GSE1: variants seen among roughly 807,000 people sequenced by gnomAD.
GSE1 encodes Gse1 coiled-coil protein.
A neutral mutation model predicts 112.6 loss-of-function variants in GSE1; 32 were observed. The ratio of observed to expected loss-of-function variants is 0.28; its 90% CI spans 0.21 to 0.38. The LOEUF (loss-of-function observed/expected upper bound fraction) is 0.38, where lower values mean the gene tolerates loss of function less well. Among genes scored for constraint, GSE1 ranks in the 10% least tolerant of loss-of-function variants. The pLI, the probability that GSE1 is intolerant of heterozygous loss-of-function variation, is 1.00. For missense variants in GSE1, 2,348 were observed against 1,699.2 expected, an observed-to-expected ratio of 1.38 and a Z score of -6.71; for synonymous variants, 1,115 against 735.6, an observed-to-expected ratio of 1.52 and a Z score of -8.35.
intron 2 of GSE1, among the ~76,000 whole-genome samples, chr16:85,474,408 T>C (rs1597867301): frequency 6.6e-6 from 1 of 151,830 alleles, no homozygotes; most frequent in South Asian, 2.1e-4. Flanking sequence ...CAGCTGGAGG[T>C]GCACGGAGGG....
chr16:85,186,371 G>A (rs537860325), intron 1 of GSE1, among the ~76,000 whole-genome samples: 3 of 152,212 alleles, frequency 2.0e-5, no homozygotes, highest in Non-Finnish European at 2.9e-5. Flanking sequence ...TTACGAGGCC[G>A]AGGCAGGTGG....
At chr16:85,606,545 T>C (rs1262251272), upstream of GSE1, among the ~76,000 whole-genome samples, 1 of 152,204 alleles carries the variant, frequency 6.6e-6, no homozygotes, top group Non-Finnish European at 1.5e-5. Flanking sequence ...GGGGCCACTT[T>C]GCCACTGAGT....
chr16:85,203,873 G>A (rs1365145668), intron 1 of GSE1, among the ~76,000 whole-genome samples: 1 of 152,180 alleles, frequency 6.6e-6, no homozygotes, highest in East Asian at 1.9e-4. Context: ...GAGTAGCTGG[G>A]ACTACAGGTG....
intron 3 of GSE1, among the ~76,000 whole-genome samples, chr16:85,652,245 G>A (rs2051422965): frequency 6.6e-6 from 1 of 152,236 alleles, no homozygotes. Context: ...TGCCATTGAT[G>A]TGTGCACGAG....
chr16:85,415,981 C>T (rs1290673759), intron 2 of GSE1, among the ~76,000 whole-genome samples: 1 of 152,226 alleles, frequency 6.6e-6, no homozygotes, highest in Non-Finnish European at 1.5e-5. Flanking sequence ...ACATTAAATA[C>T]ACTTTATTTA....
At chr16:85,391,277 C>T (rs559011022) in intron 2 of GSE1, among the ~76,000 whole-genome samples, 2 of 152,352 alleles carry the variant, frequency 1.3e-5, no homozygotes, top group Non-Finnish European at 2.9e-5. Context: ...CGCACCCACC[C>T]GAAGAAGCAG....
At chr16:85,347,100 G>A (rs1374294276) in intron 1 of GSE1, among the ~76,000 whole-genome samples, 1 of 152,200 alleles carries the variant, frequency 6.6e-6, no homozygotes, top group Non-Finnish European at 1.5e-5. Flanking sequence ...GCTGCTCGGT[G>A]GTGTTGAGAG....
intron 1 of GSE1, among the ~76,000 whole-genome samples, chr16:85,177,326 C>T (rs994939700): frequency 1.3e-5 from 2 of 152,202 alleles, no homozygotes; most frequent in South Asian, 4.1e-4. Context: ...CTTTTATTGG[C>T]TGGGGAAGAC....
intron 3 of GSE1, among the ~76,000 whole-genome samples, chr16:85,651,956 G>A (rs918938691): frequency 3.3e-5 from 5 of 152,220 alleles, no homozygotes; most frequent in African/African-American, 4.8e-5. Context: ...GTCCTTCCTC[G>A]TGCTCCGTTC....
intron 1 of GSE1, among the ~76,000 whole-genome samples, chr16:85,314,042 G>A (rs73257799): frequency 0.027 from 4,124 of 151,894 alleles, 190 homozygotes; most frequent in African/African-American, 0.094. Flanking sequence ...CCATTTGTGT[G>A]TGTGTCACAG....
chr16:85,670,051 C>A (rs1040802636), intron 14 of GSE1, among the ~76,000 whole-genome samples: 1 of 152,222 alleles, frequency 6.6e-6, no homozygotes, highest in Non-Finnish European at 1.5e-5. Context: ...AATTTACAGG[C>A]GTGGTTGGCA....
intron 2 of GSE1, among the ~76,000 whole-genome samples, chr16:85,385,744 GA>G (rs2047674165): frequency 6.6e-6 from 1 of 152,218 alleles, no homozygotes; most frequent in Admixed American, 6.5e-5. Flanking sequence ...GAGCCCTTCC[GA>G]GGCCTCGGCG....
chr16:85,487,330 G>T (rs564572525), intron 2 of GSE1, among the ~76,000 whole-genome samples: 1 of 152,306 alleles, frequency 6.6e-6, no homozygotes, highest in South Asian at 2.1e-4. Flanking sequence ...GGATACAGAG[G>T]AGTGTTTTAG....
chr16:85,609,343 C>A (rs983803179), upstream of GSE1, among the ~76,000 whole-genome samples: 3 of 152,264 alleles, frequency 2.0e-5, no homozygotes, highest in Non-Finnish European at 4.4e-5. Flanking sequence ...AAATGATCCT[C>A]CTGCCTCAGT....
chr16:85,623,453 T>G (rs1056178430), intron 1 of GSE1, among the ~76,000 whole-genome samples: 4 of 152,326 alleles, frequency 2.6e-5, no homozygotes, highest in Admixed American at 2.6e-4. Flanking sequence ...TGCGGTGCCC[T>G]GGAAGTCCGC....
intron 2 of GSE1, among the ~76,000 whole-genome samples, chr16:85,436,880 G>A (rs959283405): frequency 1.3e-5 from 2 of 152,192 alleles, no homozygotes; most frequent in Admixed American, 6.5e-5. Flanking sequence ...CGCAGTGGGC[G>A]GCCCGGGACT....
chr16:85,516,834 A>G (rs561454451), intron 2 of GSE1, among the ~76,000 whole-genome samples: 164 of 132,936 alleles, frequency 1.2e-3, no homozygotes, highest in South Asian at 3.0e-3. Context: ...GTCTCGCTCT[A>G]TCGCCCAGGC....
At chr16:85,474,837 G>A (rs1000551524) in intron 2 of GSE1, among the ~76,000 whole-genome samples, 12 of 152,084 alleles carry the variant, frequency 7.9e-5, no homozygotes, top group East Asian at 7.7e-4. Context: ...GCCAGTTTCC[G>A]AAAAGAATGT....
intron 1 of GSE1, among the ~76,000 whole-genome samples, chr16:85,580,580 C>T (rs768857560): frequency 6.6e-6 from 1 of 152,242 alleles, no homozygotes; most frequent in Admixed American, 6.5e-5. Flanking sequence ...TGTTGGGTCA[C>T]AAGGCCTGGC....
Sources: gnomAD v4.1 joint callset for allele counts (sites outside exome capture counted in the v4.1 genomes callset) on GRCh38, gnomAD v4.1.1 for gene constraint, MANE v1.5 for transcripts, NCBI Gene and HGNC (gene_info 2026-07-23, HGNC 2026-07-21) for gene names.